MACROD2: variants seen among roughly 807,000 people sequenced by gnomAD.
The protein encoded by MACROD2 is mono-ADP ribosylhydrolase 2.
Under a neutral mutation model 70.4 loss-of-function variants are expected in MACROD2, and 36 were observed. That is an observed-to-expected ratio of 0.51 (90% CI 0.39 to 0.68). The LOEUF is 0.68. MACROD2 is among the 30% of genes least tolerant of loss of function. MACROD2 has a pLI of 0.00. For synonymous variants in MACROD2, 172 were observed against 178.8 expected (o/e 0.96, Z 0.30); for missense variants, 496 against 538.4 (o/e 0.92, Z 0.78).
chr20:15,673,578 T>C (rs1443882927), intron 8 of MACROD2, among the ~76,000 whole-genome samples: 19 of 152,212 alleles, frequency 1.2e-4, no homozygotes, highest in Non-Finnish European at 2.9e-5. Flanking sequence ...TAGCACCTGT[T>C]CATGGTCTAT....
At chr20:14,323,829 A>G (rs1601476263) in intron 3 of MACROD2, 1 of 152,216 alleles carries the variant, frequency 6.6e-6, no homozygotes, top group East Asian at 1.9e-4. Context: ...TTTTTCAAAG[A>G]CCACCTTAAA....
intron 7 of MACROD2, among the ~76,000 whole-genome samples, chr20:15,464,336 T>G (rs1397217787): frequency 6.6e-6 from 1 of 152,168 alleles, no homozygotes; most frequent in East Asian, 1.9e-4. Flanking sequence ...GCTGTTCTTT[T>G]CACGAAAGAC....
intron 9 of MACROD2, among the ~76,000 whole-genome samples, chr20:15,866,263 A>G (rs1315957435): frequency 6.6e-6 from 1 of 152,066 alleles, no homozygotes; most frequent in Admixed American, 6.6e-5. Context: ...GTGGTGGTGC[A>G]TACATACCTA....
intron 3 of MACROD2, among the ~76,000 whole-genome samples, chr20:14,183,666 C>T (rs1160462773): frequency 6.6e-6 from 1 of 152,012 alleles, no homozygotes. Context: ...AGTGTATAAG[C>T]ATTCCTTTTT....
intron 4 of MACROD2, among the ~76,000 whole-genome samples, chr20:14,519,131 A>T (rs2085136559): frequency 6.6e-6 from 1 of 152,184 alleles, no homozygotes; most frequent in Non-Finnish European, 1.5e-5. Context: ...AATTATAGCA[A>T]TGTGAAGTGT....
At chr20:15,082,377 C>CTCCTAACTCTGTT (rs1568564107) in intron 5 of MACROD2, among the ~76,000 whole-genome samples, 16 of 151,926 alleles carry the variant, frequency 1.1e-4, no homozygotes, top group African/African-American at 3.9e-4. Context: ...GAGGCTGTGT[C>CTCCTAACTCTGTT]ATAGAGGAAA....
chr20:14,162,488 G>A (rs1020474058), intron 3 of MACROD2, among the ~76,000 whole-genome samples: 3 of 151,978 alleles, frequency 2.0e-5, no homozygotes, highest in African/African-American at 7.3e-5. Context: ...TTATTATACT[G>A]AAGTCTTTCT....
intron 5 of MACROD2, among the ~76,000 whole-genome samples, chr20:14,929,805 A>G (rs144306725): frequency 6.6e-6 from 1 of 152,272 alleles, no homozygotes; most frequent in African/African-American, 2.4e-5. Flanking sequence ...GATAATTCCA[A>G]GAGTTTCAGA....
At chr20:15,474,670 T>C (rs2046999092) in intron 7 of MACROD2, among the ~76,000 whole-genome samples, 2 of 152,150 alleles carry the variant, frequency 1.3e-5, no homozygotes, top group Admixed American at 6.6e-5. Context: ...AAACCACCCT[T>C]TGGGAACAGA....
chr20:15,296,134 C>T (rs190892810), intron 6 of MACROD2, among the ~76,000 whole-genome samples: 37 of 152,304 alleles, frequency 2.4e-4, no homozygotes, highest in Admixed American at 2.2e-3. Context: ...TTACCACCTA[C>T]ACCACCAGCC....
At chr20:14,805,900 A>T (rs759798325) in intron 5 of MACROD2, among the ~76,000 whole-genome samples, 2 of 152,072 alleles carry the variant, frequency 1.3e-5, no homozygotes, top group Non-Finnish European at 2.9e-5. Flanking sequence ...AGATAGTCAG[A>T]TCCTGACCAC....
At chr20:14,467,364 C>G (rs944534090) in intron 3 of MACROD2, among the ~76,000 whole-genome samples, 2 of 152,124 alleles carry the variant, frequency 1.3e-5, no homozygotes, top group African/African-American at 4.8e-5. Flanking sequence ...CCTGGTGTGC[C>G]ATTTGATAAG....
At chr20:15,676,180 T>C (rs2050054650) in intron 8 of MACROD2, among the ~76,000 whole-genome samples, 1 of 152,226 alleles carries the variant, frequency 6.6e-6, no homozygotes, top group South Asian at 2.1e-4. Flanking sequence ...TTTTGCTCTT[T>C]CTTTATTAAA....
chr20:15,821,767 T>G (rs1299693592), intron 8 of MACROD2, among the ~76,000 whole-genome samples: 4 of 152,218 alleles, frequency 2.6e-5, no homozygotes, highest in Non-Finnish European at 4.4e-5. Context: ...AACAGGAGGA[T>G]GTGCATAGAT....
chr20:15,109,227 A>C (rs1203249486), intron 5 of MACROD2, among the ~76,000 whole-genome samples: 3 of 152,220 alleles, frequency 2.0e-5, no homozygotes, highest in Admixed American at 6.5e-5. Context: ...TTGGATTCAA[A>C]AGAGTAAAAG....
At chr20:14,757,553 A>G (rs2071957461) in intron 5 of MACROD2, 2 of 868,472 alleles carry the variant, frequency 2.3e-6, no homozygotes, top group African/African-American at 3.3e-5. Context: ...CGGACCCTAC[A>G]GCCATCAAGA....
At position 14,862,668 on chromosome 20, in the gene MACROD2, A is replaced by AAT. The variant is rs1344017557; in HGVS notation, c.418+177717_418+177718dup. 6.8e-3 allele frequency among the ~76,000 whole-genome samples: 197 copies of AAT among 29,074 alleles called. 11 individuals carry two copies. Among genetic ancestry groups the AAT allele is most frequent in the African/African-American group, 0.016 (99 of 6,298 alleles). The allele number at this position is 29,074 out of a possible 152,430, so 19.1% of individuals were successfully genotyped here. On this transcript the variant is annotated intron_variant, in intron 5 of 17. Transcript: ENST00000684519. Reference sequence around the variant, plus strand: ...ATATATATATATAAATATATATATAAATATATATAAATATATATATAAATA... The same window carrying AAT: ...ATATATATATATAAATATATATATAAATATATATATAAATATATATATAAATA...
rs1490439165 is a variant in MACROD2 at position 15,109,257 on chromosome 20, C to T, written c.419-120683C>T. Among the ~76,000 whole-genome samples the T allele has an allele frequency of 3.3e-5, 5 of 152,146 alleles. No individual in the cohort carries two copies. In the East Asian group the frequency reaches 9.6e-4, roughly 29 times the overall value. On this transcript the variant is annotated intron_variant, in intron 5 of 17. Transcript: ENST00000684519. ...TAAAAGTGATAGATTCCTGGATGTT[C>T]ACCGTGAGGAACTCTGTGATCAGAG...
rs200768717 is a variant in MACROD2, at chr20:15,839,013, C to A, written c.646-23732C>A. ...ATATGGATATGACTATAGATATAGACATATGCACTGTCTTTTGCCCAAATT... is the reference window on the plus strand; with the variant it reads ...ATATGGATATGACTATAGATATAGAAATATGCACTGTCTTTTGCCCAAATT... On this transcript the variant is annotated intron_variant, in intron 8 of 17. Transcript: ENST00000684519. Among the ~76,000 whole-genome samples the A allele has an allele frequency of 1.4e-4, 21 of 152,238 alleles. No individual in the cohort carries two copies. In the East Asian group the frequency reaches 3.3e-3, roughly 24 times the overall value.
Sources: gnomAD v4.1 joint callset for allele counts (sites outside exome capture counted in the v4.1 genomes callset) on GRCh38, gnomAD v4.1.1 for gene constraint, MANE v1.5 for transcripts, NCBI Gene and HGNC (gene_info 2026-07-23, HGNC 2026-07-21) for gene names.